The following RIMS2 variants were observed in gnomAD, a reference collection of about 807,000 sequenced individuals.
RIMS2 encodes the protein regulating synaptic membrane exocytosis 2, also known as regulating synaptic membrane exocytosis protein 2.
A neutral mutation model predicts 174.4 loss-of-function variants in RIMS2; 59 were observed. The ratio of observed to expected loss-of-function variants is 0.34; its 90% CI spans 0.27 to 0.42. The LOEUF is 0.42. Among genes scored for constraint, RIMS2 ranks in the 10% least tolerant of loss-of-function variants. RIMS2 has a pLI of 1.00. For synonymous variants in RIMS2, 606 were observed against 572.5 expected, an observed-to-expected ratio of 1.06 and a Z score of -0.84; for missense variants, 1,620 against 1,666.3, an observed-to-expected ratio of 0.97 and a Z score of 0.48.
At chr8:103,858,697 G>A (rs1308284096) in intron 3 of RIMS2, among the ~76,000 whole-genome samples, 3 of 131,214 alleles carry the variant, frequency 2.3e-5, no homozygotes, top group South Asian at 2.5e-4. Flanking sequence ...ATATATATAC[G>A]TGTATATATA....
At chr8:103,713,750 G>C (rs2097336183) in intron 2 of RIMS2, among the ~76,000 whole-genome samples, 1 of 152,058 alleles carries the variant, frequency 6.6e-6, no homozygotes, top group Admixed American at 6.6e-5. Context: ...ATGATTCAGT[G>C]ACTCCTCATC....
At chr8:103,766,178 T>G (rs1343289619) in intron 2 of RIMS2, 49 bp from the exon 6 acceptor site, 1 of 1,352,862 alleles carries the variant, frequency 7.4e-7, no homozygotes, top group Admixed American at 2.3e-5. Context: ...TTTATTTGTT[T>G]TTAACTTTTG....
At chr8:103,881,666 A>G (rs1717677974) in intron 3 of RIMS2, among the ~76,000 whole-genome samples, 1 of 151,586 alleles carries the variant, frequency 6.6e-6, no homozygotes, top group Admixed American at 6.6e-5. Context: ...TATACAAGCT[A>G]GAATATTTAG....
At chr8:103,702,393 ACT>A (rs2097176793) in intron 2 of RIMS2, among the ~76,000 whole-genome samples, 1 of 151,518 alleles carries the variant, frequency 6.6e-6, no homozygotes, top group African/African-American at 2.4e-5. Context: ...CTGTCTCTTC[ACT>A]CTGTTGATTG....
intron 3 of RIMS2, among the ~76,000 whole-genome samples, chr8:103,789,309 T>C (rs1241466998): frequency 6.6e-6 from 1 of 152,120 alleles, no homozygotes. Context: ...CAGTTTGTTT[T>C]TTCAAAGCCA....
At chr8:103,671,581 A>G (rs1024364680) in intron 1 of RIMS2, among the ~76,000 whole-genome samples, 1 of 152,204 alleles carries the variant, frequency 6.6e-6, no homozygotes, top group Admixed American at 6.5e-5. Flanking sequence ...ATGAACTTCC[A>G]TGAAGACACA....
At chr8:104,146,029 T>G (rs2098635962) in intron 19 of RIMS2, among the ~76,000 whole-genome samples, 1 of 151,606 alleles carries the variant, frequency 6.6e-6, no homozygotes, top group South Asian at 2.1e-4. Context: ...ATCTCTAAGT[T>G]TCAAGGAAAT....
chr8:103,940,251 G>A (rs1271196225), intron 13 of RIMS2, among the ~76,000 whole-genome samples: 2 of 152,170 alleles, frequency 1.3e-5, no homozygotes, highest in Admixed American at 1.3e-4. Flanking sequence ...ATGGTGGAAG[G>A]CAAGGAGGAG....
At chr8:103,821,650 AT>A (rs530946049) in intron 3 of RIMS2, among the ~76,000 whole-genome samples, 1 of 151,600 alleles carries the variant, frequency 6.6e-6, no homozygotes, top group Non-Finnish European at 1.5e-5. Context: ...TTTTTTGGTT[AT>A]TTTTTGTGTT....
intron 19 of RIMS2, among the ~76,000 whole-genome samples, chr8:104,243,458 G>C (rs962971577): frequency 1.3e-5 from 2 of 152,070 alleles, no homozygotes; most frequent in Admixed American, 1.3e-4. Context: ...AGGCCAAGGC[G>C]GGCAAATGAC....
intron 3 of RIMS2, among the ~76,000 whole-genome samples, chr8:103,865,284 C>CTTTTTTTTTTTTTTT (rs67300843): frequency 8.4e-6 from 1 of 119,732 alleles, no homozygotes; most frequent in Non-Finnish European, 1.7e-5. Flanking sequence ...CAGTTTTTTT[C>CTTTTTTTTTTTTTTT]TTTTTTTTTT....
At chr8:104,090,536 A>G (rs1219851548) in intron 19 of RIMS2, among the ~76,000 whole-genome samples, 1 of 151,786 alleles carries the variant, frequency 6.6e-6, no homozygotes, top group Non-Finnish European at 1.5e-5. Flanking sequence ...AAGCTGGGAT[A>G]CACGAGTACC....
At chr8:103,871,966 A>G (rs1435221911) in intron 3 of RIMS2, among the ~76,000 whole-genome samples, 1 of 152,166 alleles carries the variant, frequency 6.6e-6, no homozygotes, top group East Asian at 1.9e-4. Flanking sequence ...GATGAACAGC[A>G]TTAGCAGTAT....
At chr8:103,759,784 GTGTT>G (rs1405972585) in intron 2 of RIMS2, among the ~76,000 whole-genome samples, 1 of 152,092 alleles carries the variant, frequency 6.6e-6, no homozygotes, top group Non-Finnish European at 1.5e-5. Context: ...CAGGGACTAA[GTGTT>G]TGGCAGTGCT....
At chr8:104,158,588 T>C (rs2098740418) in intron 19 of RIMS2, among the ~76,000 whole-genome samples, 1 of 152,224 alleles carries the variant, frequency 6.6e-6, no homozygotes, top group African/African-American at 2.4e-5. Flanking sequence ...ATGATTGCCA[T>C]TCTAACTGGA....
chr8:103,668,564 AAG>A (rs1491125062), intron 1 of RIMS2, among the ~76,000 whole-genome samples: 1 of 145,044 alleles, frequency 6.9e-6, no homozygotes, highest in Non-Finnish European at 1.5e-5. Flanking sequence ...ACCAGTTTGT[AAG>A]TGTGTGTGTG....
intron 3 of RIMS2, among the ~76,000 whole-genome samples, chr8:103,849,911 A>T (rs935083819): frequency 2.6e-5 from 4 of 152,162 alleles, no homozygotes; most frequent in East Asian, 1.9e-4. Context: ...CTAAAGAGGG[A>T]GGTGGATATA....
chr8:103,604,606 C>T (rs1240009711), intron 1 of RIMS2, among the ~76,000 whole-genome samples: 3 of 150,464 alleles, frequency 2.0e-5, no homozygotes, highest in East Asian at 3.9e-4. Flanking sequence ...GCCATTTTCA[C>T]GATATTGATT....
chr8:103,854,386 A>G (rs184177513), intron 3 of RIMS2, among the ~76,000 whole-genome samples: 5 of 152,098 alleles, frequency 3.3e-5, no homozygotes, highest in Admixed American at 2.6e-4. Context: ...CTAGGACTTC[A>G]GTAATATGTT....
Sources: allele counts gnomAD v4.1 joint callset (sites outside exome capture counted in the v4.1 genomes callset), GRCh38; gene constraint gnomAD v4.1.1; transcripts MANE v1.5; gene names NCBI Gene and HGNC (gene_info 2026-07-23, HGNC 2026-07-21).